The following DCDC2C variants were observed in gnomAD, a reference collection of about 807,000 sequenced individuals.
DCDC2C encodes the protein doublecortin domain-containing protein 2C.
A neutral mutation model predicts 45.0 loss-of-function variants in DCDC2C; 44 were observed. The ratio of observed to expected loss-of-function variants is 0.98; its 90% CI spans 0.77 to 1.26. DCDC2C has a LOEUF of 1.26. Ranked by LOEUF, DCDC2C falls within the 50% of genes most tolerant of loss-of-function variation. The probability of loss-of-function intolerance (pLI) is 0.00; values close to 1 mark genes in which losing one functional copy is unlikely to be tolerated. For missense variants in DCDC2C, 447 were observed against 468.9 expected, an observed-to-expected ratio of 0.95 and a Z score of 0.43; for synonymous variants, 187 against 178.8, an observed-to-expected ratio of 1.05 and a Z score of -0.37.
At chr2:3,837,491 G>A (rs2148241825) in intron 10 of DCDC2C, among the ~76,000 whole-genome samples, 1 of 152,282 alleles carries the variant, frequency 6.6e-6, no homozygotes, top group South Asian at 2.1e-4. Flanking sequence ...TGGGGCAGTG[G>A]CTATAGGTGC....
At position 3,759,271 on chromosome 2, in the gene DCDC2C, T is replaced by G. The variant is rs533765985; in HGVS notation, c.726+4637T>G. ...ATTCAGGTGATTTGTTTCTGTTATT[T>G]TCTCATTTTTCTTTATGTACAAGCA... On this transcript the variant is annotated intron_variant, in intron 6 of 10. Transcript: ENST00000399143. Among the ~76,000 whole-genome samples, 5 of 152,348 alleles carry G rather than the reference T, an allele frequency of 3.3e-5. No individual in the cohort carries two copies. In the South Asian group the frequency reaches 1.0e-3, roughly 32 times the overall value.
At chr2:3,812,547 A>AT (rs1474646109) in intron 10 of DCDC2C, among the ~76,000 whole-genome samples, 3 of 151,880 alleles carry the variant, frequency 2.0e-5, no homozygotes, top group Non-Finnish European at 4.4e-5. Context: ...GGATTCATTG[A>AT]TTTTTTGGAG....
chr2:3,763,123 C>T lies in DCDC2C; in HGVS notation c.727-4631C>T, dbSNP rs139509846. On this transcript the variant is annotated intron_variant, in intron 6 of 10. Coordinates refer to ENST00000399143, the MANE Select transcript of DCDC2C (RefSeq NM_001287444.2). ...CTGGACCACCATTGATGCCCAACCG[C>T]TGCCAGTGTGTCCGGAGTCAAGTCT... is the stretch of plus-strand genomic sequence containing the variant. Among the ~76,000 whole-genome samples, 476 of 152,324 alleles carry T rather than the reference C, an allele frequency of 3.1e-3. 8 individuals are homozygous for T. Among genetic ancestry groups the T allele is most frequent in the Middle Eastern group, 0.024 (7 of 294 alleles).
Position 3,813,054 on chromosome 2 carries a change from TATATATATA to T in DCDC2C, c.1065+27955_1065+27963del, listed in dbSNP as rs1403299169. ...TGAGAAGAACGTATATATATATATA[TATATATATA>T]TATATTTTTTTTTTTTTGCTGTTTT... On this transcript the variant is annotated intron_variant, in intron 10 of 10. Coordinates refer to ENST00000399143, the MANE Select transcript of DCDC2C (RefSeq NM_001287444.2). 1.4e-4 allele frequency among the ~76,000 whole-genome samples: 14 copies of T among 97,278 alleles called. 1 individual carries two copies. The highest frequency in any genetic ancestry group is 3.7e-4 in the African/African-American group (7 of 18,940). 63.8% of individuals were successfully genotyped at this position (97,278 alleles called of 152,430 possible). A position where few individuals can be genotyped will look rare whatever the true frequency, so the allele number is the denominator to read the frequency against.
At chr2:3,754,880 A>T (rs1669645273) in intron 6 of DCDC2C, among the ~76,000 whole-genome samples, 1 of 152,224 alleles carries the variant, frequency 6.6e-6, no homozygotes, top group Non-Finnish European at 1.5e-5. Context: ...ATAGGTATTT[A>T]TAATGCAACC....
chr2:3,763,416 T>G (rs553358038), intron 6 of DCDC2C, among the ~76,000 whole-genome samples: 164 of 152,300 alleles, frequency 1.1e-3, no homozygotes, highest in Non-Finnish European at 2.0e-3. Flanking sequence ...GCTCCTAGAA[T>G]GGTCATGGAT....
At chr2:3,759,187 A>G (rs534020467) in intron 6 of DCDC2C, among the ~76,000 whole-genome samples, 91 of 152,240 alleles carry the variant, frequency 6.0e-4, no homozygotes, top group Middle Eastern at 3.4e-3. Context: ...GATGCCTTTG[A>G]CTCGGAGTCA....
chr2:3,811,917 G>A (rs1001025592), intron 10 of DCDC2C, among the ~76,000 whole-genome samples: 4 of 152,146 alleles, frequency 2.6e-5, no homozygotes, highest in African/African-American at 9.7e-5. Context: ...GCCTTGCATC[G>A]CAGGGAGGAA....
In DCDC2C at chr2:3,769,716, G is replaced by C. The variant is rs187339428; in HGVS notation, c.954+305G>C. Among the ~76,000 whole-genome samples the C allele has an allele frequency of 3.3e-3, 500 of 152,314 alleles. 4 individuals carry two copies. Among genetic ancestry groups the C allele is most frequent in the South Asian group, 0.012 (59 of 4,824 alleles). On this transcript the variant is annotated intron_variant, in intron 8 of 10. Transcript: ENST00000399143. The stretch of plus-strand genomic sequence containing the variant: ...CCTCACTAAGCTACTGACTCCATAA[G>C]GAAAGGGGCTGGCTGCCTCGCTCAC...
intron 2 of DCDC2C, chr2:3,726,039 G>A (rs948677889): frequency 6.5e-6 from 1 of 154,474 alleles, no homozygotes; most frequent in East Asian, 1.9e-4. Context: ...TGAGAGATGT[G>A]GGGGGTGGGG....
At chr2:3,772,931 A>C (rs1049512886) in intron 8 of DCDC2C, among the ~76,000 whole-genome samples, 5 of 152,130 alleles carry the variant, frequency 3.3e-5, no homozygotes, top group Non-Finnish European at 7.4e-5. Context: ...ACTCTCACAG[A>C]GTTCTGTGGG....
chr2:3,734,157 T>A lies in DCDC2C; in HGVS notation c.416+7078T>A, dbSNP rs1668955540. Among the ~76,000 whole-genome samples the A allele has an allele frequency of 6.6e-6, 1 of 152,234 alleles. No individual in the cohort carries two copies. The highest frequency in any genetic ancestry group is 6.5e-5 in the Admixed American group (1 of 15,294). Reference sequence around the variant, plus strand: ...AACATCACGTACTGCCCCAAAGGCATGGCGGCTGTCAGCGTGGATGTTTCA... The same window carrying A: ...AACATCACGTACTGCCCCAAAGGCAAGGCGGCTGTCAGCGTGGATGTTTCA... On this transcript the variant is annotated intron_variant, in intron 3 of 10. Transcript: ENST00000399143. This position sits in a 1 kb window ranked among gnomAD's most constrained non-coding sequence, Gnocchi z 4.2.
At position 3,703,699 on chromosome 2, in the gene DCDC2C, G is replaced by T. The variant is rs1356874747; in HGVS notation, c.-53G>T. Reference sequence around the variant, plus strand: ...TGGGCGCGGCTCTGCAGGCGTCGCTGCCCGCGCTGCCGCAGCCTCTCGGCC... The same window carrying T: ...TGGGCGCGGCTCTGCAGGCGTCGCTTCCCGCGCTGCCGCAGCCTCTCGGCC... On this transcript the variant is annotated 5_prime_UTR_variant, in exon 1 of 11. Transcript: ENST00000399143. This position sits in a 1 kb window ranked among gnomAD's most constrained non-coding sequence, Gnocchi z 4.4. 8.2e-7 allele frequency: 1 copy of T among 1,222,612 alleles called. No individual in the cohort carries two copies. The highest frequency in any genetic ancestry group is 1.6e-5 in the African/African-American group (1 of 63,930). 75.7% of individuals were successfully genotyped at this position (1,222,612 alleles called of 1,614,324 possible). A position where few individuals can be genotyped will look rare whatever the true frequency, so the allele number is the denominator to read the frequency against.
chr2:3,845,128 C>T (rs192636902), intron 10 of DCDC2C, among the ~76,000 whole-genome samples: 2 of 152,262 alleles, frequency 1.3e-5, no homozygotes, highest in African/African-American at 2.4e-5. Flanking sequence ...TTTGGCTTCT[C>T]TCCTCTTTAA....
chr2:3,815,777 A>C (rs1427253517), intron 10 of DCDC2C, among the ~76,000 whole-genome samples: 1 of 152,184 alleles, frequency 6.6e-6, no homozygotes, highest in Non-Finnish European at 1.5e-5. Context: ...CTTCTGAGCC[A>C]GGAGAAGGAA....
At position 3,832,014 on chromosome 2, in the gene DCDC2C, C is replaced by T. The variant is rs549254168; in HGVS notation, c.1066-15140C>T. Among the ~76,000 whole-genome samples the T allele has an allele frequency of 2.3e-4, 35 of 152,288 alleles. 1 individual carries two copies. Among genetic ancestry groups the T allele is most frequent in the African/African-American group, 8.4e-4 (35 of 41,554 alleles). On this transcript the variant is annotated intron_variant, in intron 10 of 10. Coordinates refer to ENST00000399143, the MANE Select transcript of DCDC2C (RefSeq NM_001287444.2). Reference sequence around the variant, plus strand: ...CAGGAATCAGTGTCTCCTGGCATGGCGAGGGGCTCTTTCTACTTGTGTATC... The same window carrying T: ...CAGGAATCAGTGTCTCCTGGCATGGTGAGGGGCTCTTTCTACTTGTGTATC...
In DCDC2C at chr2:3,714,549, C is replaced by G. The variant is rs546605451; in HGVS notation, c.339+5949C>G. Among the ~76,000 whole-genome samples, 12 of 152,108 alleles carry G rather than the reference C, an allele frequency of 7.9e-5. No homozygotes were observed. In the South Asian group the frequency reaches 1.9e-3, roughly 24 times the overall value. ...GCTCTTTCAGTGGGCCTATCCTGGA[C>G]TAAACAACAAGTGTACCATTCATTT... On this transcript the variant is annotated intron_variant, in intron 2 of 10. Coordinates refer to ENST00000399143, the MANE Select transcript of DCDC2C (RefSeq NM_001287444.2).
At chr2:3,710,105 A>G (rs760076584) in intron 2 of DCDC2C, among the ~76,000 whole-genome samples, 1 of 152,220 alleles carries the variant, frequency 6.6e-6, no homozygotes, top group Non-Finnish European at 1.5e-5. Context: ...TCTCATTGAC[A>G]GAGGTGTCAA....
chr2:3,813,059 ATATATATATTTTTT>A (rs1238460444), intron 10 of DCDC2C, among the ~76,000 whole-genome samples: 2 of 47,810 alleles, frequency 4.2e-5, no homozygotes, highest in African/African-American at 2.7e-4. Context: ...ATATATATAT[ATATATATATTTTTT>A]TTTTTTTGCT....
Sources: allele counts gnomAD v4.1 joint callset (sites outside exome capture counted in the v4.1 genomes callset), GRCh38; gene constraint gnomAD v4.1.1; non-coding constraint Gnocchi (gnomAD v3.1); transcripts MANE v1.5; gene names NCBI Gene and HGNC (gene_info 2026-07-23, HGNC 2026-07-21).